The following UGT1A10 variants were observed in gnomAD, a reference collection of about 807,000 sequenced individuals.
UGT1A10 encodes the protein UDP glucuronosyltransferase family 1 member A10.
In UGT1A10, 49 loss-of-function variants were observed where a neutral mutation model predicts 45.8. The observed-to-expected ratio is 1.07, with a 90% CI of 0.85 to 1.36. The LOEUF (loss-of-function observed/expected upper bound fraction) is 1.36, where lower values mean the gene tolerates loss of function less well. UGT1A10 is among the 40% of genes most tolerant of loss of function. The probability of loss-of-function intolerance (pLI) is 0.00; values close to 1 mark genes in which losing one functional copy is unlikely to be tolerated. For synonymous variants in UGT1A10, 284 were observed against 249.7 expected (o/e 1.14, Z -1.29); for missense variants, 745 against 668.6 (o/e 1.11, Z -1.26).
At chr2:233,750,930 T>C (rs542704180) in intron 1 of UGT1A10, among the ~76,000 whole-genome samples, 12 of 151,872 alleles carry the variant, frequency 7.9e-5, no homozygotes, top group Non-Finnish European at 1.5e-4. Context: ...AAATGTGAGG[T>C]TGGAGCCCCC....
intron 1 of UGT1A10, among the ~76,000 whole-genome samples, chr2:233,653,767 T>G (rs1348277157): frequency 6.6e-6 from 1 of 152,194 alleles, no homozygotes; most frequent in African/African-American, 2.4e-5. Context: ...CAGCAAATTT[T>G]TGTATTTTTA....
chr2:233,729,160 C>G, intron 1 of UGT1A10: 5 of 1,613,564 alleles, frequency 3.1e-6, no homozygotes, highest in Non-Finnish European at 4.2e-6. Context: ...CCTGCCGTGG[C>G]TGGCCACAGG....
rs528268850 is a variant in UGT1A10 at position 233,694,781 on chromosome 2, G to A, written c.855+57404G>A. 3.9e-5 allele frequency among the ~76,000 whole-genome samples: 6 copies of A among 152,256 alleles called. No homozygotes were observed. The South Asian group carries it at 1.2e-3, about 32-fold the overall frequency. ...GTGAAAAGGCAAGGGTGAGGGGATG[G>A]GGATAACTGAAATGGTTCCAGGGAT... is the stretch of plus-strand genomic sequence containing the variant. On this transcript the variant is annotated intron_variant, in intron 1 of 4. Coordinates refer to ENST00000344644, the MANE Select transcript of UGT1A10 (RefSeq NM_019075.4).
chr2:233,666,193 T>G (rs1045539393), intron 1 of UGT1A10, among the ~76,000 whole-genome samples: 3 of 152,070 alleles, frequency 2.0e-5, no homozygotes, highest in Non-Finnish European at 4.4e-5. Flanking sequence ...TAATAATCAG[T>G]TCTTGCTGAA....
chr2:233,750,334 A>C (rs1004492838), intron 1 of UGT1A10, among the ~76,000 whole-genome samples: 1 of 151,972 alleles, frequency 6.6e-6, no homozygotes, highest in Non-Finnish European at 1.5e-5. Context: ...CTTCAGAGAG[A>C]TGATCTGAAA....
At chr2:233,692,917 G>A in intron 1 of UGT1A10, 2 of 1,565,222 alleles carry the variant, frequency 1.3e-6, no homozygotes, top group Admixed American at 1.9e-5. Flanking sequence ...GTGAAAAGCA[G>A]TGGTTAGTTT....
intron 1 of UGT1A10, chr2:233,693,582 C>G (rs755382467): frequency 6.2e-7 from 1 of 1,614,188 alleles, no homozygotes; most frequent in Non-Finnish European, 8.5e-7. Flanking sequence ...TCCTACATTC[C>G]CAGGTGCTAC....
At chr2:233,760,645 T>A (rs751311281) in intron 1 of UGT1A10, 1 of 1,614,248 alleles carries the variant, frequency 6.2e-7, no homozygotes, top group South Asian at 1.1e-5. Flanking sequence ...AAAAAAGGAC[T>A]CTGCTATGCT....
At chr2:233,679,212 G>C (rs377200180) in intron 1 of UGT1A10, among the ~76,000 whole-genome samples, 2 of 152,178 alleles carry the variant, frequency 1.3e-5, no homozygotes, top group Non-Finnish European at 2.9e-5. Flanking sequence ...GTGGGTTCTG[G>C]GTGGCTAGGG....
intron 1 of UGT1A10, among the ~76,000 whole-genome samples, chr2:233,704,872 T>G (rs902231183): frequency 1.3e-5 from 2 of 152,060 alleles, no homozygotes; most frequent in Non-Finnish European, 2.9e-5. Context: ...GGTGGCTCAC[T>G]CCTGTAATCC....
intron 1 of UGT1A10, among the ~76,000 whole-genome samples, chr2:233,680,021 CTCT>C (rs1421829975): frequency 2.6e-5 from 4 of 152,250 alleles, no homozygotes; most frequent in Admixed American, 2.6e-4. Flanking sequence ...TTCTCTCTCT[CTCT>C]TTTTTCTTTT....
At chr2:233,682,175 T>G (rs145733073) in intron 1 of UGT1A10, 117 of 1,614,190 alleles carry the variant, frequency 7.2e-5, no homozygotes, top group South Asian at 8.8e-5. Flanking sequence ...TTACTCAACC[T>G]CATACACTCT....
chr2:233,762,171 C>T (rs564011835), intron 1 of UGT1A10, among the ~76,000 whole-genome samples: 29 of 152,266 alleles, frequency 1.9e-4, no homozygotes, highest in African/African-American at 6.5e-4. Flanking sequence ...CTGTATGCGG[C>T]GTCCTCAACA....
intron 1 of UGT1A10, among the ~76,000 whole-genome samples, chr2:233,728,608 G>A (rs535590480): frequency 1.3e-5 from 2 of 152,290 alleles, no homozygotes; most frequent in South Asian, 4.2e-4. Context: ...CAGCCTCCAC[G>A]CTGTTCAGAG....
intron 1 of UGT1A10, among the ~76,000 whole-genome samples, chr2:233,659,660 C>T (rs929382629): frequency 2.0e-5 from 3 of 151,970 alleles, no homozygotes; most frequent in African/African-American, 7.3e-5. Context: ...CAGGCGCACT[C>T]GATTTAACTT....
At position 233,672,446 on chromosome 2, in the gene UGT1A10, G is replaced by T. The variant is rs750560276; in HGVS notation, c.855+35069G>T. On this transcript the variant is annotated intron_variant, in intron 1 of 4. Transcript: ENST00000344644. ...CTCCCCTCCGTGGTCTTCGCCAGGG[G>T]AATACTTTGCCACTATCTTGAAGAA... 2.8e-5 allele frequency: 45 copies of T among 1,613,782 alleles called. No homozygotes were observed. Among genetic ancestry groups the T allele is most frequent in the African/African-American group, 4.0e-5 (3 of 74,886 alleles).
chr2:233,767,878 A>G lies in UGT1A10; in HGVS notation c.1017A>G (p.Pro339=), dbSNP rs747062491. ...TGTGGCGGTACACTGGAACCCGACC[A>G]TCGAATCTTGCGAACAACACGATAC... ...TVLWRYTGTR[P]SNLANNTILV... The change falls in exon 3 of 5, where the codon CCA becomes CCG. Residue 339 remains proline, a synonymous_variant. Transcript: ENST00000344644. 6.2e-7 allele frequency: 1 copy of G among 1,614,032 alleles called. No individual in the cohort carries two copies. The highest frequency in any genetic ancestry group is 1.7e-5 in the Admixed American group (1 of 59,990).
chr2:233,685,757 G>T (rs529192203), intron 1 of UGT1A10, among the ~76,000 whole-genome samples: 1 of 152,176 alleles, frequency 6.6e-6, no homozygotes, highest in African/African-American at 2.4e-5. Context: ...CCATTTTAAA[G>T]AAAAATTTTG....
chr2:233,745,803 A>G (rs11695484), intron 1 of UGT1A10, among the ~76,000 whole-genome samples: 45,405 of 150,528 alleles, frequency 0.3, 7,175 homozygotes, highest in South Asian at 0.39. Flanking sequence ...GGTCTATCCC[A>G]GAGTTTTGAG....
Sources: gnomAD v4.1 joint callset for allele counts (sites outside exome capture counted in the v4.1 genomes callset) on GRCh38, gnomAD v4.1.1 for gene constraint, MANE v1.5 for transcripts, NCBI Gene and HGNC (gene_info 2026-07-23, HGNC 2026-07-21) for gene names.